RGS3: variants seen among roughly 807,000 people sequenced by gnomAD.
RGS3 encodes the protein regulator of G-protein signalling 3.
Under a neutral mutation model 132.6 loss-of-function variants are expected in RGS3, and 80 were observed. The ratio of observed to expected loss-of-function variants is 0.60; its 90% CI spans 0.50 to 0.73. The LOEUF (loss-of-function observed/expected upper bound fraction) is 0.73, where lower values mean the gene tolerates loss of function less well. Among genes scored for constraint, RGS3 ranks in the 30% least tolerant of loss-of-function variants. The pLI, the probability that RGS3 is intolerant of heterozygous loss-of-function variation, is 0.00. For missense variants in RGS3, 1,382 were observed against 1,530.8 expected (o/e 0.90, Z 1.62); for synonymous variants, 598 against 620.6 (o/e 0.96, Z 0.54).
At chr9:113,501,681 G>A (rs1376014914) in intron 10 of RGS3, 12 of 1,507,062 alleles carry the variant, frequency 8.0e-6, no homozygotes, top group Middle Eastern at 1.8e-4. Context: ...AGGGATAGGG[G>A]TAGAGGGACC....
chr9:113,447,329 G>GTGTGTATATATATATATATATA (rs1554751009), intron 1 of RGS3, among the ~76,000 whole-genome samples: 2 of 27,536 alleles, frequency 7.3e-5, no homozygotes, highest in African/African-American at 9.8e-5. Flanking sequence ...GTATGTATAT[G>GTGTGTATATATATATATATATA]TATATATATA....
At chr9:113,522,877 A>G in intron 16 of RGS3, 53 bp from the exon 15 acceptor site, 1 of 1,200,062 alleles carries the variant, frequency 8.3e-7, no homozygotes, top group Non-Finnish European at 1.2e-6. Context: ...TGTGGCTCTC[A>G]GCCTCCAGAG....
intron 8 of RGS3, 137 bp from the exon 7 acceptor site, chr9:113,497,177 C>T (rs765167100): frequency 2.3e-5 from 15 of 656,270 alleles, no homozygotes; most frequent in East Asian, 1.6e-4. Flanking sequence ...CATGGCAGCT[C>T]GGGGCCAGGA....
At chr9:113,496,977 C>T (rs147313088) in intron 8 of RGS3, among the ~76,000 whole-genome samples, 194 of 152,316 alleles carry the variant, frequency 1.3e-3, no homozygotes, top group Non-Finnish European at 1.6e-3. Context: ...CACTTCTGTT[C>T]TGTCAACAAA....
rs778250675 is a variant in RGS3 at position 113,565,359 on chromosome 9, G to T, written c.2038-18091G>T. ...CAGAGTGGCGGTGGCCGGCTAGACA[G>T]GGTGTGTGTTTGGGAAAGGCGCTGG... On this transcript the variant is annotated intron_variant, in intron 19 of 24. Transcript: ENST00000350696. This position sits in a 1 kb window ranked among gnomAD's most constrained non-coding sequence, Gnocchi z 5.7. The T allele has an allele frequency of 2.4e-5, 31 of 1,289,932 alleles. No individual in the cohort carries two copies. Among genetic ancestry groups the T allele is most frequent in the Admixed American group, 6.9e-5 (3 of 43,524 alleles). The allele number at this position is 1,289,932 out of a possible 1,614,324, so 79.9% of individuals were successfully genotyped here.
rs776913788 is a variant in RGS3 at position 113,497,412 on chromosome 9, C to T, written c.841+8C>T. ...GACTGCGGCCGCTGAGAGGTACCTG[C>T]ACACCCCCTTCAGCTTCCCTTCCCA... On this transcript the variant is annotated splice_region_variant and intron_variant, in intron 9 of 24. Transcript: ENST00000350696. 6.2e-7 allele frequency: 1 copy of T among 1,611,072 alleles called. No individual in the cohort carries two copies. The highest frequency in any genetic ancestry group is 8.5e-7 in the Non-Finnish European group (1 of 1,178,564).
intron 4 of RGS3, among the ~76,000 whole-genome samples, chr9:113,482,135 A>G (rs1228261833): frequency 3.9e-5 from 6 of 152,114 alleles, no homozygotes; most frequent in African/African-American, 1.4e-4. Context: ...AGGTTCTATC[A>G]GGTCTATTGT....
At chr9:113,562,639 C>A (rs1215521051) in intron 19 of RGS3, among the ~76,000 whole-genome samples, 4 of 152,144 alleles carry the variant, frequency 2.6e-5, no homozygotes, top group Admixed American at 6.5e-5. Context: ...GGGCCCAGTT[C>A]CTGAGTACCC....
chr9:113,553,594 C>A (rs1482772127), intron 19 of RGS3, among the ~76,000 whole-genome samples: 1 of 149,110 alleles, frequency 6.7e-6, no homozygotes. Flanking sequence ...GTAATCCCAG[C>A]ACTTTGGGAG....
At chr9:113,483,159 G>A (rs756509809) in intron 5 of RGS3, 42 bp downstream of exon 3, 8 of 1,432,490 alleles carry the variant, frequency 5.6e-6, no homozygotes, top group Non-Finnish European at 6.9e-6. Flanking sequence ...ATATTGAGGG[G>A]CCATGTTACT....
intron 3 of RGS3, among the ~76,000 whole-genome samples, chr9:113,476,622 A>C (rs1830002127): frequency 6.6e-6 from 1 of 152,026 alleles, no homozygotes; most frequent in Non-Finnish European, 1.5e-5. Flanking sequence ...TGTGGTGCAA[A>C]CTCATCTCAA....
intron 21 of RGS3, 133 bp from the exon 20 acceptor site, chr9:113,594,297 C>T: frequency 2.5e-6 from 4 of 1,597,116 alleles, no homozygotes; most frequent in African/African-American, 1.3e-5. Context: ...GCATGTACCT[C>T]ACTCGCAACG....
At chr9:113,514,385 C>T in intron 14 of RGS3, 73 bp from the exon 13 acceptor site, 3 of 1,361,196 alleles carry the variant, frequency 2.2e-6, no homozygotes, top group Non-Finnish European at 2.1e-6. Context: ...GTCCGTGTCC[C>T]CTGTTTCTAC....
intron 19 of RGS3, among the ~76,000 whole-genome samples, chr9:113,559,653 T>C (rs1277085803): frequency 6.6e-6 from 1 of 152,154 alleles, no homozygotes; most frequent in African/African-American, 2.4e-5. Flanking sequence ...AATATACAGT[T>C]AAGAGCATGG....
intron 1 of RGS3, among the ~76,000 whole-genome samples, chr9:113,445,537 C>G (rs1354129815): frequency 6.6e-6 from 1 of 152,096 alleles, no homozygotes; most frequent in African/African-American, 2.4e-5. Context: ...CCTAGTGACA[C>G]CTGGCCCAGT....
chr9:113,503,357 T>A (rs1473696871), intron 10 of RGS3: 1 of 152,352 alleles, frequency 6.6e-6, no homozygotes, highest in African/African-American at 2.4e-5. Context: ...ACCCTCTCAA[T>A]GTGGTCAGTG....
chr9:113,563,502 C>T (rs1447719519), intron 19 of RGS3, among the ~76,000 whole-genome samples: 5 of 152,194 alleles, frequency 3.3e-5, no homozygotes, highest in Non-Finnish European at 7.3e-5. Flanking sequence ...TCCTAGAAAC[C>T]AGCCAGCCTC....
At chr9:113,524,265 C>T (rs1588200018) in intron 17 of RGS3, among the ~76,000 whole-genome samples, 1 of 152,202 alleles carries the variant, frequency 6.6e-6, no homozygotes, top group African/African-American at 2.4e-5. Context: ...ATTCTCCAGC[C>T]TGCAGTGTGC....
Position 113,576,685 on chromosome 9 carries a change from G to A in RGS3, c.2038-6765G>A, listed in dbSNP as rs544435136. ...CACTTCAGGTGGGGAGTGGTCAGAC[G>A]TGAGGCTACAGGGAGACAGAGCCCA... On this transcript the variant is annotated intron_variant, in intron 19 of 24. Coordinates refer to ENST00000350696, the Ensembl canonical transcript of RGS3. Among the ~76,000 whole-genome samples the A allele has an allele frequency of 3.3e-5, 5 of 152,314 alleles. No individual in the cohort carries two copies. In the East Asian group the frequency reaches 5.8e-4, roughly 18 times the overall value.
Sources: gnomAD v4.1 joint callset for allele counts (sites outside exome capture counted in the v4.1 genomes callset) on GRCh38, gnomAD v4.1.1 for gene constraint, Gnocchi (gnomAD v3.1) non-coding constraint, MANE v1.5 for transcripts, NCBI Gene and HGNC (gene_info 2026-07-23, HGNC 2026-07-21) for gene names.